ANP32A: variants seen among roughly 807,000 people sequenced by gnomAD.
ANP32A encodes the protein acidic nuclear phosphoprotein 32 family member A, also known as acidic leucine-rich nuclear phosphoprotein 32 family member A.
Under a neutral mutation model 33.9 loss-of-function variants are expected in ANP32A, and 1 was observed. The ratio of observed to expected loss-of-function variants is 0.03; its 90% CI spans 0.01 to 0.14. The LOEUF (loss-of-function observed/expected upper bound fraction) is 0.14, where lower values mean the gene tolerates loss of function less well. Among genes scored for constraint, ANP32A ranks in the 10% least tolerant of loss-of-function variants. The pLI is 1.00. For synonymous variants in ANP32A, 115 were observed against 120.5 expected, an observed-to-expected ratio of 0.95 and a Z score of 0.30; for missense variants, 155 against 306.0, an observed-to-expected ratio of 0.51 and a Z score of 3.68.
intron 1 of ANP32A, among the ~76,000 whole-genome samples, chr15:68,798,143 G>A (rs147238693): frequency 1.2e-3 from 190 of 152,342 alleles, no homozygotes; most frequent in African/African-American, 4.5e-3. Flanking sequence ...GACTGCGGGA[G>A]CTGTCTGCTT....
chr15:68,780,425 C>T lies in ANP32A; in HGVS notation c.673G>A (p.Glu225Lys). 6.2e-7 allele frequency: 1 copy of T among 1,614,048 alleles called. No homozygotes were observed. The highest frequency in any genetic ancestry group is 8.5e-7 in the Non-Finnish European group (1 of 1,179,898). The change falls in exon 6 of 7, where the codon GAA (glutamate) becomes AAA (lysine). Residue 225 changes from glutamate to lysine, a missense_variant. Physicochemically the swap from Glu to Lys is moderately conservative, Grantham distance 56. Around this residue, in one of 4 missense-constraint regions of ANP32A, gnomAD observed 63 missense variants for 82.8 expected, o/e 0.76. Transcript: ENST00000465139. The surrounding 1 kb of genome is among the most constrained non-coding windows in gnomAD (Gnocchi z 4.3). Reference sequence around the variant, plus strand: ...GCTGCCATACCACCAAGCTCTTCTTCATCTTCCTCGTCATCTACCTCTCCA... The same window carrying T: ...GCTGCCATACCACCAAGCTCTTCTTTATCTTCCTCGTCATCTACCTCTCCA... Reference protein sequence around the residue: ...NDGEVDDEEDEEELGEEERGQ... With the variant: ...NDGEVDDEEDKEELGEEERGQ...
rs3214818 is a variant in ANP32A at position 68,780,007 on chromosome 15, A to AGGGG, written c.*70_*73dup. The AGGGG allele has an allele frequency of 1.9e-4, 198 of 1,061,018 alleles. No homozygotes were observed. The African/African-American group carries it at 2.1e-3, about 11-fold the overall frequency. 65.7% of individuals were successfully genotyped at this position (1,061,018 alleles called of 1,614,324 possible). A position where few individuals can be genotyped will look rare whatever the true frequency, so the allele number is the denominator to read the frequency against. On this transcript the variant is annotated 3_prime_UTR_variant, in exon 7 of 7. Coordinates refer to ENST00000465139, the MANE Select transcript of ANP32A (RefSeq NM_006305.4). The surrounding 1 kb of genome is among the most constrained non-coding windows in gnomAD (Gnocchi z 4.3). ...AATAAGTTTCAGGGGGCAGGATTGG[A>AGGGG]GGGGGGGGGGAGAGGGGATATGGGT...
In ANP32A at chr15:68,779,948, T is replaced by A; in HGVS notation, c.*133A>T. On this transcript the variant is annotated 3_prime_UTR_variant, in exon 7 of 7. Transcript: ENST00000465139. Reference sequence around the variant, plus strand: ...CGCAACCCCCAGTACACTCTTCCCCTCTCGTTCCCACAGCAACGTTACAAT... The same window carrying A: ...CGCAACCCCCAGTACACTCTTCCCCACTCGTTCCCACAGCAACGTTACAAT... The A allele has an allele frequency of 1.3e-4, 52 of 391,484 alleles. No individual in the cohort carries two copies. The highest frequency in any genetic ancestry group is 9.2e-4 in the Middle Eastern group (1 of 1,092). 24.3% of individuals were successfully genotyped at this position (391,484 alleles called of 1,614,324 possible). A position where few individuals can be genotyped will look rare whatever the true frequency, so the allele number is the denominator to read the frequency against.
chr15:68,802,396 A>T (rs1451738152), intron 1 of ANP32A, among the ~76,000 whole-genome samples: 1 of 152,120 alleles, frequency 6.6e-6, no homozygotes, highest in East Asian at 1.9e-4. Context: ...CCTTTTTTTC[A>T]TGGAGTTTGT....
chr15:68,779,922 CCG>C lies in ANP32A; in HGVS notation c.*157_*158del. ...CCACCCCCACCCGCCATCCCTCCCC[CCG>C]CAACCCCCAGTACACTCTTCCCCTC... On this transcript the variant is annotated 3_prime_UTR_variant, in exon 7 of 7. Coordinates refer to ENST00000465139, the MANE Select transcript of ANP32A (RefSeq NM_006305.4). 1 of 507,320 alleles carries C rather than the reference CCG, an allele frequency of 2.0e-6. No individual in the cohort carries two copies. The allele number at this position is 507,320 out of a possible 1,614,324, so 31.4% of individuals were successfully genotyped here.
At chr15:68,805,935 A>G (rs1165110011) in intron 1 of ANP32A, among the ~76,000 whole-genome samples, 1 of 152,210 alleles carries the variant, frequency 6.6e-6, no homozygotes, top group Admixed American at 6.5e-5. Context: ...TAGTTCCTAG[A>G]ACAGAACCCA....
intron 4 of ANP32A, 84 bp from the exon 5 acceptor site, chr15:68,783,137 C>A: frequency 6.5e-7 from 1 of 1,531,940 alleles, no homozygotes; most frequent in Non-Finnish European, 8.8e-7. Flanking sequence ...CTTGTAGCGT[C>A]TTCAGTGTGG....
At position 68,780,392 on chromosome 15, in the gene ANP32A, G is replaced by A. The variant is rs756045019; in HGVS notation, c.688+18C>T. 1 of 1,613,880 alleles carries A rather than the reference G, an allele frequency of 6.2e-7. No homozygotes were observed. The highest frequency in any genetic ancestry group is 8.5e-7 in the Non-Finnish European group (1 of 1,179,892). The stretch of plus-strand genomic sequence containing the variant: ...AGGGCCAGGCTGCTACCAGCTGAGA[G>A]TAAAAAGGCTGCCATACCACCAAGC... On this transcript the variant is annotated intron_variant, in intron 6 of 6. Coordinates refer to ENST00000465139, the MANE Select transcript of ANP32A (RefSeq NM_006305.4). The surrounding 1 kb of genome is among the most constrained non-coding windows in gnomAD (Gnocchi z 4.3).
chr15:68,820,853 G>T lies in ANP32A; in HGVS notation c.-102C>A. ...TTTTAGGACTTTGAAGGCTCAACCA[G>T]CTCCGCTCGGTTCTCGAGCCCCCAG... On this transcript the variant is annotated 5_prime_UTR_variant, in exon 1 of 7. It adds an upstream start codon to the 5' untranslated region. Coordinates refer to ENST00000465139, the MANE Select transcript of ANP32A (RefSeq NM_006305.4). The T allele has an allele frequency of 7.2e-7, 1 of 1,397,476 alleles. No homozygotes were observed. The highest frequency in any genetic ancestry group is 1.0e-6 in the Non-Finnish European group (1 of 998,092). The allele number at this position is 1,397,476 out of a possible 1,614,324, so 86.6% of individuals were successfully genotyped here. A position where few individuals can be genotyped will look rare whatever the true frequency, so the allele number is the denominator to read the frequency against.
chr15:68,797,432 A>T lies in ANP32A; in HGVS notation c.55-9513T>A, dbSNP rs138917852. 7.1e-3 allele frequency among the ~76,000 whole-genome samples: 1,083 copies of T among 152,304 alleles called. 14 individuals are homozygous for T. The highest frequency in any genetic ancestry group is 0.025 in the African/African-American group (1,026 of 41,564). ...GAAAAGCCACAGAGAATGAAGACCA[A>T]GGCCTAGAGAGCAAAGAGGGTAAAT... On this transcript the variant is annotated intron_variant, in intron 1 of 6. Coordinates refer to ENST00000465139, the MANE Select transcript of ANP32A (RefSeq NM_006305.4).
rs754902966 is a variant in ANP32A, at chr15:68,820,678, T to C, written c.54+20A>G. 1 of 1,449,940 alleles carries C rather than the reference T, an allele frequency of 6.9e-7. No individual in the cohort carries two copies. The highest frequency in any genetic ancestry group is 1.5e-5 in the African/African-American group (1 of 67,262). 89.8% of individuals were successfully genotyped at this position (1,449,940 alleles called of 1,614,324 possible). Reference sequence around the variant, plus strand: ...AAGTAGGAGAATGGACCGACAGAGATATTTTTGGCAAATGCTCACATCAGA... The same window carrying C: ...AAGTAGGAGAATGGACCGACAGAGACATTTTTGGCAAATGCTCACATCAGA... On this transcript the variant is annotated intron_variant, in intron 1 of 6. Transcript: ENST00000465139.
At chr15:68,801,772 G>C (rs1894139769) in intron 1 of ANP32A, 1 of 154,760 alleles carries the variant, frequency 6.5e-6, no homozygotes. Flanking sequence ...CTCCAGAACA[G>C]TCTCTCTTCA....
rs1219469044 is a variant in ANP32A at position 68,784,594 on chromosome 15, T to G, written c.329A>C (p.Lys110Thr). 6.2e-7 allele frequency: 1 copy of G among 1,614,108 alleles called. No individual in the cohort carries two copies. The highest frequency in any genetic ancestry group is 2.2e-5 in the East Asian group (1 of 44,876). ...IKDLSTIEPLKKLENLKSLDL... is the reference protein window; with the variant it reads ...IKDLSTIEPLTKLENLKSLDL... ...TAAGCTCTTGAGGTTTTCTAACTTT[T>G]TCTGCAAGCGGAAAAATGAAGCCAA... The change falls in exon 4 of 7, where the codon AAA becomes ACA. Residue 110 changes from lysine to threonine, a missense_variant and splice_region_variant. This residue lies in a region of ANP32A where 85 missense variants were observed against 183.8 expected (regional missense o/e 0.46). Coordinates refer to ENST00000465139, the MANE Select transcript of ANP32A (RefSeq NM_006305.4).
chr15:68,805,548 G>C (rs1894207349), intron 1 of ANP32A, among the ~76,000 whole-genome samples: 2 of 152,276 alleles, frequency 1.3e-5, no homozygotes, highest in Admixed American at 1.3e-4. Flanking sequence ...GGTGTGAGCA[G>C]AGCAGTGGCC....
intron 1 of ANP32A, among the ~76,000 whole-genome samples, chr15:68,816,538 G>A (rs907917900): frequency 1.3e-5 from 2 of 152,092 alleles, no homozygotes; most frequent in Non-Finnish European, 2.9e-5. Context: ...AACCATGGAG[G>A]AGCTCAAAGT....
intron 1 of ANP32A, among the ~76,000 whole-genome samples, chr15:68,807,017 T>C (rs1894239045): frequency 6.6e-6 from 1 of 152,214 alleles, no homozygotes; most frequent in Non-Finnish European, 1.5e-5. Context: ...TATGGACATA[T>C]AAAGGAGCAC....
At chr15:68,809,120 G>A (rs1894279151) in intron 1 of ANP32A, among the ~76,000 whole-genome samples, 1 of 152,224 alleles carries the variant, frequency 6.6e-6, no homozygotes, top group Admixed American at 6.5e-5. Context: ...GACCCCAGGG[G>A]TGACTGGAGG....
At chr15:68,809,197 C>T (rs868746076) in intron 1 of ANP32A, among the ~76,000 whole-genome samples, 1 of 152,130 alleles carries the variant, frequency 6.6e-6, no homozygotes, top group Non-Finnish European at 1.5e-5. Context: ...GCAGTGGAGC[C>T]TTGATTCACC....
intron 1 of ANP32A, among the ~76,000 whole-genome samples, chr15:68,808,101 C>T (rs549292867): frequency 6.6e-6 from 1 of 152,340 alleles, no homozygotes; most frequent in Admixed American, 6.5e-5. Flanking sequence ...TTCCTATTTC[C>T]TGGTTTCTCT....
Sources: gnomAD v4.1 joint callset for allele counts (sites outside exome capture counted in the v4.1 genomes callset) on GRCh38, gnomAD v4.1.1 for gene constraint, gnomAD v4.1.1 regional missense constraint, Gnocchi (gnomAD v3.1) non-coding constraint, MANE v1.5 for transcripts, NCBI Gene and HGNC (gene_info 2026-07-23, HGNC 2026-07-21) for gene names.